DSCAML1: variants seen among roughly 807,000 people sequenced by gnomAD.
DSCAML1 encodes cell adhesion molecule DSCAML1.
In DSCAML1, 38 loss-of-function variants were observed where a neutral mutation model predicts 200.5. The ratio of observed to expected loss-of-function variants is 0.19; its 90% CI spans 0.15 to 0.25. The LOEUF (loss-of-function observed/expected upper bound fraction) is 0.25, where lower values mean the gene tolerates loss of function less well. DSCAML1 is among the 10% of genes least tolerant of loss of function. The pLI, the probability that DSCAML1 is intolerant of heterozygous loss-of-function variation, is 1.00. For missense variants in DSCAML1, 2,223 were observed against 2,858.8 expected, an observed-to-expected ratio of 0.78 and a Z score of 5.07; for synonymous variants, 1,215 against 1,165.0, an observed-to-expected ratio of 1.04 and a Z score of -0.87.
intron 8 of DSCAML1, among the ~76,000 whole-genome samples, chr11:117,513,705 C>T (rs1482794000): frequency 1.4e-5 from 2 of 143,776 alleles, no homozygotes; most frequent in African/African-American, 5.2e-5. Flanking sequence ...CACGCCACTG[C>T]ACTGCAACCT....
rs1238654285 is a variant in DSCAML1 at position 117,780,242 on chromosome 11, A to AAGAAAG, written c.364+245_364+250dup. ...GAGAAAGAAAGAAAGGAAAGAAAGA[A>AAGAAAG]AGAAAGAAAGAAAGAAAGAAAGAAA... On this transcript the variant is annotated intron_variant, in intron 2 of 32. Coordinates refer to ENST00000651296, the MANE Select transcript of DSCAML1 (RefSeq NM_020693.4). This position sits in a 1 kb window ranked among gnomAD's most constrained non-coding sequence, Gnocchi z 4.8. Among the ~76,000 whole-genome samples, 51 of 76,220 alleles carry AAGAAAG rather than the reference A, an allele frequency of 6.7e-4. 2 individuals carry two copies. The highest frequency in any genetic ancestry group is 2.2e-3 in the African/African-American group (49 of 22,222). 50.0% of individuals were successfully genotyped at this position (76,220 alleles called of 152,430 possible).
intron 3 of DSCAML1, among the ~76,000 whole-genome samples, chr11:117,752,678 A>T (rs1186385999): frequency 6.6e-6 from 1 of 152,204 alleles, no homozygotes; most frequent in African/African-American, 2.4e-5. Flanking sequence ...TTGCTAAAGG[A>T]TCTGTGAGAT....
intron 15 of DSCAML1, among the ~76,000 whole-genome samples, chr11:117,470,956 C>CAT (rs1459718407): frequency 1.3e-5 from 2 of 152,088 alleles, no homozygotes; most frequent in Non-Finnish European, 1.5e-5. Flanking sequence ...CATTTTATTG[C>CAT]ATATACACTG....
At chr11:117,464,848 G>A (rs1258036329) in intron 17 of DSCAML1, 94 bp downstream of exon 17, 15 of 1,544,764 alleles carry the variant, frequency 9.7e-6, no homozygotes, top group African/African-American at 2.7e-5. Flanking sequence ...ATGGGGCCCA[G>A]GGGCAAACAG....
intron 3 of DSCAML1, among the ~76,000 whole-genome samples, chr11:117,704,791 G>A (rs1305423173): frequency 2.0e-5 from 3 of 152,162 alleles, no homozygotes; most frequent in Non-Finnish European, 4.4e-5. Context: ...ATATTTCCCC[G>A]TGGTACCTCA....
chr11:117,661,384 T>A (rs936755576), intron 3 of DSCAML1, among the ~76,000 whole-genome samples: 2 of 152,152 alleles, frequency 1.3e-5, no homozygotes, highest in Non-Finnish European at 2.9e-5. Context: ...ATATAACAGG[T>A]GCACCGAATA....
At chr11:117,719,457 A>T (rs1232504153) in intron 3 of DSCAML1, among the ~76,000 whole-genome samples, 1 of 152,226 alleles carries the variant, frequency 6.6e-6, no homozygotes, top group African/African-American at 2.4e-5. Context: ...AAGGAAAGGA[A>T]GGAAAGAAAG....
intron 3 of DSCAML1, among the ~76,000 whole-genome samples, chr11:117,533,326 TGTA>T (rs895362123): frequency 6.6e-6 from 1 of 152,162 alleles, no homozygotes; most frequent in Non-Finnish European, 1.5e-5. Flanking sequence ...AACTGAGGCT[TGTA>T]GTAAAGTAAC....
In DSCAML1 at chr11:117,515,610, C is replaced by CTTTTTT. The variant is rs56765238; in HGVS notation, c.1783+851_1783+856dup. Among the ~76,000 whole-genome samples the CTTTTTT allele has an allele frequency of 9.2e-5, 6 of 65,122 alleles. 1 individual carries two copies. Among genetic ancestry groups the CTTTTTT allele is most frequent in the African/African-American group, 4.2e-4 (5 of 11,910 alleles). The allele number at this position is 65,122 out of a possible 152,430, so 42.7% of individuals were successfully genotyped here. On this transcript the variant is annotated intron_variant, in intron 8 of 32. Coordinates refer to ENST00000651296, the MANE Select transcript of DSCAML1 (RefSeq NM_020693.4). ...TGTCAAGGGCCCAGGAGGGACGAAG[C>CTTTTTT]TTTTTTTTTTTTTTTTTTTTTTTTT...
chr11:117,682,309 G>A (rs1449704344), intron 3 of DSCAML1, among the ~76,000 whole-genome samples: 1 of 152,106 alleles, frequency 6.6e-6, no homozygotes, highest in Non-Finnish European at 1.5e-5. Context: ...CATCACTGCT[G>A]CCTTCCCTCC....
chr11:117,578,405 G>A (rs545321396), intron 3 of DSCAML1, among the ~76,000 whole-genome samples: 4 of 152,162 alleles, frequency 2.6e-5, no homozygotes, highest in East Asian at 1.9e-4. Flanking sequence ...GTGCAGAGGC[G>A]CATGCCTGTA....
chr11:117,589,202 C>G (rs2051209281), intron 3 of DSCAML1, among the ~76,000 whole-genome samples: 1 of 151,662 alleles, frequency 6.6e-6, no homozygotes, highest in South Asian at 2.1e-4. Flanking sequence ...GACATCACCA[C>G]ATATTAAAAT....
intron 12 of DSCAML1, among the ~76,000 whole-genome samples, chr11:117,481,568 G>GCTCCCCATTT (rs2048918772): frequency 8.5e-6 from 1 of 117,750 alleles, no homozygotes; most frequent in Admixed American, 8.1e-5. Context: ...GGGGTCCCAG[G>GCTCCCCATTT]GGAGTAGGAG....
At chr11:117,572,583 C>T (rs2050864706) in intron 3 of DSCAML1, among the ~76,000 whole-genome samples, 1 of 152,170 alleles carries the variant, frequency 6.6e-6, no homozygotes, top group Middle Eastern at 3.2e-3. Context: ...TGTTTGTAAG[C>T]TAGAACCCAT....
chr11:117,631,001 C>A (rs1275266809), intron 3 of DSCAML1, among the ~76,000 whole-genome samples: 1 of 152,196 alleles, frequency 6.6e-6, no homozygotes, highest in Non-Finnish European at 1.5e-5. Context: ...CAGAATGTTG[C>A]CTGGCACATA....
intron 3 of DSCAML1, among the ~76,000 whole-genome samples, chr11:117,630,123 G>A (rs551184712): frequency 1.1e-4 from 17 of 152,284 alleles, no homozygotes; most frequent in South Asian, 4.1e-4. Flanking sequence ...TGGAGAAAGC[G>A]CGAGATGTCA....
chr11:117,479,839 G>C (rs756915275), intron 14 of DSCAML1, among the ~76,000 whole-genome samples: 1 of 152,132 alleles, frequency 6.6e-6, no homozygotes, highest in Non-Finnish European at 1.5e-5. Flanking sequence ...AGTAGAGATG[G>C]GGTTCGCCAT....
chr11:117,516,523 C>T lies in DSCAML1; in HGVS notation c.1727G>A (p.Ser576Asn), dbSNP rs1346317019. Residue 576 changes from serine (S) to asparagine (N), a missense_variant, in exon 8 of 33, where the codon AGT becomes AAT. Transcript: ENST00000651296. This position sits in a 1 kb window ranked among gnomAD's most constrained non-coding sequence, Gnocchi z 5.7. Reference sequence around the variant, plus strand: ...GGAGAGCTGGGGCTGGATGAGGACACTGCACAGGTACTCCCCCTCATCCAT... The same window carrying T: ...GGAGAGCTGGGGCTGGATGAGGACATTGCACAGGTACTCCCCCTCATCCAT... ...KGMDEGEYLCSVLIQPQLSIS... is the reference protein window; with the variant it reads ...KGMDEGEYLCNVLIQPQLSIS... The T allele has an allele frequency of 5.0e-6, 8 of 1,614,034 alleles. No homozygotes were observed. Among genetic ancestry groups the T allele is most frequent in the Non-Finnish European group, 6.8e-6 (8 of 1,180,020 alleles).
intron 32 of DSCAML1, 31 bp downstream of exon 32, chr11:117,430,691 G>A (rs757167476): frequency 1.9e-6 from 3 of 1,580,206 alleles, no homozygotes; most frequent in Admixed American, 3.4e-5. Context: ...GGGCGGGGGG[G>A]CACTGCCTGG....
Sources: gnomAD v4.1 joint callset for allele counts (sites outside exome capture counted in the v4.1 genomes callset) on GRCh38, gnomAD v4.1.1 for gene constraint, Gnocchi (gnomAD v3.1) non-coding constraint, MANE v1.5 for transcripts, NCBI Gene and HGNC (gene_info 2026-07-23, HGNC 2026-07-21) for gene names.